The following OTUD5 variants were observed in gnomAD, a reference collection of about 807,000 sequenced individuals.
OTUD5 encodes the protein OTU deubiquitinase 5.
In OTUD5, 2 loss-of-function variants were observed where a neutral mutation model predicts 36.3. The ratio of observed to expected loss-of-function variants is 0.06; its 90% confidence interval spans 0.02 to 0.17. The LOEUF is 0.17. Among genes scored for constraint, OTUD5 ranks in the 10% least tolerant of loss-of-function variants. OTUD5 has a pLI of 1.00. For synonymous variants in OTUD5, 234 were observed against 214.9 expected (o/e 1.09, Z -0.78); for missense variants, 233 against 512.3 (o/e 0.45, Z 5.26).
chrX:48,953,441 C>A, intron 1 of OTUD5, among the ~76,000 whole-genome samples: 1 of 111,329 alleles, frequency 9.0e-6, no homozygotes, highest in Non-Finnish European at 1.9e-5. Context: ...GAACTTTGGA[C>A]TGAGTTCCCT....
chrX:48,938,936 C>T (rs1557050498), intron 2 of OTUD5, among the ~76,000 whole-genome samples: 1 of 111,406 alleles, frequency 9.0e-6, no homozygotes, highest in African/African-American at 3.3e-5. Flanking sequence ...TGCACCTGTT[C>T]TCCCCTCCCA....
chrX:48,956,051 G>A (rs1337800555), intron 1 of OTUD5, among the ~76,000 whole-genome samples: 1 of 111,652 alleles, frequency 9.0e-6, no homozygotes, highest in Non-Finnish European at 1.9e-5. Flanking sequence ...TCAGGCCCCT[G>A]GTGGGGGTGC....
intron 2 of OTUD5, among the ~76,000 whole-genome samples, chrX:48,938,619 G>A (rs782145347): frequency 5.4e-5 from 6 of 110,190 alleles, no homozygotes; most frequent in South Asian, 3.9e-4. Context: ...GCTTGAACCC[G>A]GGAGGTGGAG....
chrX:48,928,779 A>G (rs1217642691), intron 5 of OTUD5, among the ~76,000 whole-genome samples: 1 of 99,735 alleles, frequency 1.0e-5, no homozygotes, highest in Admixed American at 1.2e-4. Context: ...GGCTGCAGTG[A>G]TATTGTGCCA....
upstream of OTUD5, chrX:48,957,653 G>C (rs782434651): frequency 3.8e-6 from 3 of 789,686 alleles, no homozygotes; most frequent in Non-Finnish European, 4.6e-6. Flanking sequence ...AGTGTAGTGC[G>C]CGAGGCACGA....
intron 5 of OTUD5, among the ~76,000 whole-genome samples, chrX:48,931,514 C>T (rs2065314279): frequency 8.9e-6 from 1 of 112,554 alleles, no homozygotes; most frequent in Non-Finnish European, 1.9e-5. Flanking sequence ...CATGGTGGCT[C>T]ACGCCTGTAA....
intron 2 of OTUD5, among the ~76,000 whole-genome samples, chrX:48,941,061 G>A: frequency 9.0e-6 from 1 of 111,454 alleles, no homozygotes. Context: ...AAGGTCCAGA[G>A]AAGTCAAGGA....
At position 48,943,682 on chromosome X, in the gene OTUD5, G is replaced by A. The variant is rs937545112; in HGVS notation, c.688+508C>T. 5.4e-5 allele frequency among the ~76,000 whole-genome samples: 6 copies of A among 111,555 alleles called. No homozygotes were observed. In the East Asian group the frequency reaches 1.4e-3, roughly 26 times the overall value. On this transcript the variant is annotated intron_variant, in intron 2 of 8. Transcript: ENST00000376488. ...CACACAGATTGAGGAACAGAGACCC[G>A]CAACACACCAGAGATGGGATCTGGG...
At chrX:48,929,629 G>A (rs1347457801) in intron 5 of OTUD5, among the ~76,000 whole-genome samples, 4 of 108,717 alleles carry the variant, frequency 3.7e-5, no homozygotes, top group Non-Finnish European at 7.6e-5. Flanking sequence ...GCTGAGGCAC[G>A]AGAATTGCTT....
chrX:48,933,063 A>G (rs2063780503), intron 5 of OTUD5, among the ~76,000 whole-genome samples: 1 of 112,153 alleles, frequency 8.9e-6, no homozygotes, highest in Non-Finnish European at 1.9e-5. Context: ...CATAGTGTTA[A>G]GTGAAAAAAG....
At chrX:48,925,710 G>C (rs1300783445) in intron 6 of OTUD5, 137 bp downstream of exon 6, 2 of 495,932 alleles carry the variant, frequency 4.0e-6, no homozygotes, top group Non-Finnish European at 6.8e-6. Context: ...CTAAGACCAA[G>C]ATGAGTTACA....
chrX:48,925,389 G>T (rs1281375129), intron 6 of OTUD5, among the ~76,000 whole-genome samples: 1 of 101,381 alleles, frequency 9.9e-6, no homozygotes, highest in Admixed American at 1.1e-4. Context: ...GCCCCTCCCC[G>T]CTCCCCTAAC....
chrX:48,925,423 C>T (rs1332588521), intron 6 of OTUD5, among the ~76,000 whole-genome samples: 1 of 111,006 alleles, frequency 9.0e-6, no homozygotes, highest in African/African-American at 3.3e-5. Context: ...TCTGTGAAGA[C>T]TAACCGGAGC....
chrX:48,936,827 G>A (rs1239987285), intron 2 of OTUD5, among the ~76,000 whole-genome samples: 3 of 111,768 alleles, frequency 2.7e-5, no homozygotes, highest in Non-Finnish European at 5.7e-5. Flanking sequence ...CTGGTTTTGG[G>A]AATTTCCCTT....
chrX:48,934,387 T>C, intron 5 of OTUD5, 77 bp downstream of exon 5: 1 of 916,329 alleles, frequency 1.1e-6, no homozygotes, highest in Non-Finnish European at 1.5e-6. Context: ...TTTTGTGAGT[T>C]AGGGGCAAAA....
At chrX:48,943,045 T>G (rs1252610917) in intron 2 of OTUD5, among the ~76,000 whole-genome samples, 2 of 110,990 alleles carry the variant, frequency 1.8e-5, no homozygotes, top group Admixed American at 9.6e-5. Context: ...AAAGAGGCAT[T>G]GAGAATCAAC....
In OTUD5 at chrX:48,957,362, G is replaced by C. The variant is rs782664325; in HGVS notation, c.209C>G (p.Pro70Arg). The change falls in exon 1 of 9, where the codon CCG becomes CGG. Residue 70 changes from proline to arginine, a missense_variant. Transcript: ENST00000376488. ...AAGAGCGCCCGGCGGTCCTGGTAGC[G>C]GGCCTTGAGGCGGTGGCGAAGCTCG... ...RPRASPPPQG[P>R]LPGPPGALHR... 8.9e-7 allele frequency: 1 copy of C among 1,123,275 alleles called. No individual in the cohort carries two copies. The highest frequency in any genetic ancestry group is 1.9e-5 in the African/African-American group (1 of 52,829). The allele number at this position is 1,123,275 out of a possible 1,213,427, so 92.6% of individuals were successfully genotyped here. A position where few individuals can be genotyped will look rare whatever the true frequency, so the allele number is the denominator to read the frequency against.
In OTUD5 at chrX:48,957,085, G is replaced by A; in HGVS notation, c.486C>T (p.Gly162=). The part of the protein sequence containing the change: ...RRQAPGVGAV[G]GGSPEREEVG... ...CCTCCTCACGCTCGGGACTGCCCCCGCCAACCGCGCCAACCCCGGGAGCTT... is the reference window on the plus strand; with the variant it reads ...CCTCCTCACGCTCGGGACTGCCCCCACCAACCGCGCCAACCCCGGGAGCTT... The change falls in exon 1 of 9, where the codon GGC becomes GGT. Residue 162 remains glycine (G), a synonymous_variant. Transcript: ENST00000376488. The A allele has an allele frequency of 6.8e-6, 8 of 1,178,198 alleles. No homozygotes were observed. Among genetic ancestry groups the A allele is most frequent in the Non-Finnish European group, 7.9e-6 (7 of 881,291 alleles).
intron 1 of OTUD5, among the ~76,000 whole-genome samples, chrX:48,945,865 T>C (rs781821914): frequency 9.0e-6 from 1 of 110,551 alleles, no homozygotes; most frequent in Non-Finnish European, 1.9e-5. Context: ...ATAATGACCA[T>C]ATAACCTCTT....
Sources: allele counts gnomAD v4.1 joint callset (sites outside exome capture counted in the v4.1 genomes callset), GRCh38; gene constraint gnomAD v4.1.1; transcripts MANE v1.5; gene names NCBI Gene and HGNC (gene_info 2026-07-23, HGNC 2026-07-21).